Variants in WWOX observed in about 807,000 individuals in gnomAD.
The protein encoded by WWOX is WW domain-containing oxidoreductase.
WWOX carries 69 observed loss-of-function variants against 46.2 expected under a neutral mutation model. That is an observed-to-expected ratio of 1.49 (90% CI 1.23 to 1.82). The LOEUF is 1.82. Among genes scored for constraint, WWOX ranks in the 40% most tolerant of loss-of-function variants. WWOX has a pLI of 0.00. For synonymous variants in WWOX, 359 were observed against 202.6 expected (o/e 1.77, Z -6.56); for missense variants, 919 against 542.6 (o/e 1.69, Z -6.89).
chr16:78,193,643 G>A (rs1368366799), intron 5 of WWOX, among the ~76,000 whole-genome samples: 2 of 52,316 alleles, frequency 3.8e-5, no homozygotes, highest in Admixed American at 1.7e-4. Flanking sequence ...GCTGTTTAGG[G>A]GATGCTAGGG....
intron 8 of WWOX, among the ~76,000 whole-genome samples, chr16:78,869,958 G>A (rs1160816983): frequency 6.6e-6 from 1 of 152,290 alleles, no homozygotes; most frequent in Non-Finnish European, 1.5e-5. Flanking sequence ...CTATGTTTAT[G>A]TGAGCTTAAA....
At chr16:78,794,147 C>T (rs1487093121) in intron 8 of WWOX, among the ~76,000 whole-genome samples, 1 of 152,118 alleles carries the variant, frequency 6.6e-6, no homozygotes, top group East Asian at 1.9e-4. Flanking sequence ...CATGAGTGCC[C>T]TTATAAAAGT....
chr16:79,020,652 C>T (rs1006563928), intron 8 of WWOX, among the ~76,000 whole-genome samples: 6 of 152,032 alleles, frequency 3.9e-5, no homozygotes. Context: ...CATTTCAGGC[C>T]AATGTGATAA....
At chr16:78,907,005 A>G (rs1235100889) in intron 8 of WWOX, among the ~76,000 whole-genome samples, 1 of 152,172 alleles carries the variant, frequency 6.6e-6, no homozygotes, top group Non-Finnish European at 1.5e-5. Flanking sequence ...GATAAAGCCG[A>G]TTTATCTAGA....
intron 6 of WWOX, among the ~76,000 whole-genome samples, chr16:78,398,916 A>C (rs1192724888): frequency 6.6e-6 from 1 of 152,188 alleles, no homozygotes; most frequent in East Asian, 1.9e-4. Context: ...CAATTATTAC[A>C]TTTACTGCCT....
At chr16:78,851,271 CAAT>C (rs2052436676) in intron 8 of WWOX, among the ~76,000 whole-genome samples, 1 of 152,132 alleles carries the variant, frequency 6.6e-6, no homozygotes, top group South Asian at 2.1e-4. Flanking sequence ...GGGTCATAAA[CAAT>C]AATTTTCAAC....
intron 8 of WWOX, among the ~76,000 whole-genome samples, chr16:79,047,282 A>T (rs1467102308): frequency 6.6e-6 from 1 of 152,220 alleles, no homozygotes; most frequent in African/African-American, 2.4e-5. Context: ...TTGTGTGAGA[A>T]GCAAGTCTTA....
At chr16:78,464,677 T>G (rs2151427144) in intron 8 of WWOX, among the ~76,000 whole-genome samples, 1 of 152,266 alleles carries the variant, frequency 6.6e-6, no homozygotes, top group African/African-American at 2.4e-5. Flanking sequence ...GCCTCATTTC[T>G]TACGTTGCCC....
intron 8 of WWOX, among the ~76,000 whole-genome samples, chr16:78,596,088 C>A (rs1193980258): frequency 6.6e-6 from 1 of 152,062 alleles, no homozygotes; most frequent in Non-Finnish European, 1.5e-5. Flanking sequence ...AATTTCTAAT[C>A]ATGTGTGACT....
chr16:79,198,947 G>T (rs766256865), intron 8 of WWOX, among the ~76,000 whole-genome samples: 1 of 152,220 alleles, frequency 6.6e-6, no homozygotes, highest in African/African-American at 2.4e-5. Context: ...TCATAGTGCA[G>T]TTGTTGAGAC....
At chr16:79,103,476 C>G (rs76816429) in intron 8 of WWOX, among the ~76,000 whole-genome samples, 2 of 152,264 alleles carry the variant, frequency 1.3e-5, no homozygotes, top group South Asian at 2.1e-4. Context: ...GTGCCTCTTC[C>G]CCTGTTCCTG....
intron 8 of WWOX, among the ~76,000 whole-genome samples, chr16:78,500,320 A>T (rs1434080867): frequency 2.0e-5 from 3 of 152,186 alleles, no homozygotes; most frequent in Non-Finnish European, 4.4e-5. Context: ...GATTAAATTG[A>T]ATTATTCCCG....
chr16:79,151,069 A>T (rs1202942605), intron 8 of WWOX, among the ~76,000 whole-genome samples: 1 of 152,204 alleles, frequency 6.6e-6, no homozygotes, highest in Admixed American at 6.5e-5. Context: ...CTATTGGCAC[A>T]TCTATGAAAT....
At chr16:78,808,765 C>T (rs1171483462) in intron 8 of WWOX, among the ~76,000 whole-genome samples, 1 of 152,100 alleles carries the variant, frequency 6.6e-6, no homozygotes, top group Non-Finnish European at 1.5e-5. Context: ...TGCGTAGGTT[C>T]TAATTTGCCC....
At chr16:78,520,793 G>T (rs959763228) in intron 8 of WWOX, among the ~76,000 whole-genome samples, 7 of 152,168 alleles carry the variant, frequency 4.6e-5, no homozygotes, top group Non-Finnish European at 2.9e-5. Context: ...TCTGTGATGA[G>T]GACTGATTTT....
At chr16:78,330,548 C>G (rs1436839210) in intron 5 of WWOX, among the ~76,000 whole-genome samples, 1 of 152,134 alleles carries the variant, frequency 6.6e-6, no homozygotes, top group African/African-American at 2.4e-5. Context: ...AGGCGCATGC[C>G]ACCACCGCCA....
At chr16:78,906,529 C>T (rs984186855) in intron 8 of WWOX, among the ~76,000 whole-genome samples, 1 of 152,146 alleles carries the variant, frequency 6.6e-6, no homozygotes, top group African/African-American at 2.4e-5. Flanking sequence ...GCCACGATTG[C>T]AGGGTAGTCC....
At chr16:78,836,505 A>C (rs1199652441) in intron 8 of WWOX, among the ~76,000 whole-genome samples, 1 of 152,164 alleles carries the variant, frequency 6.6e-6, no homozygotes, top group Admixed American at 6.6e-5. Context: ...GTATTTTCAG[A>C]CACTTCTGCC....
At chr16:78,215,824 C>T (rs2036701549) in intron 5 of WWOX, among the ~76,000 whole-genome samples, 1 of 151,752 alleles carries the variant, frequency 6.6e-6, no homozygotes, top group East Asian at 1.9e-4. Context: ...TATTTGGGAC[C>T]CTGAGGCAGG....
Sources: allele counts gnomAD v4.1 joint callset (sites outside exome capture counted in the v4.1 genomes callset), GRCh38; gene constraint gnomAD v4.1.1; transcripts MANE v1.5; gene names NCBI Gene and HGNC (gene_info 2026-07-23, HGNC 2026-07-21).